The following KIF1B variants were observed in gnomAD, a reference collection of about 807,000 sequenced individuals.
KIF1B encodes the protein kinesin family member 1B.
In KIF1B, 76 loss-of-function variants were observed where a neutral mutation model predicts 241.9. That is an observed-to-expected ratio of 0.31 (90% CI 0.26 to 0.38). KIF1B has a LOEUF of 0.38. KIF1B is among the 10% of genes least tolerant of loss of function. The pLI, the probability that KIF1B is intolerant of heterozygous loss-of-function variation, is 1.00. For synonymous variants in KIF1B, 750 were observed against 796.7 expected (o/e 0.94, Z 0.99); for missense variants, 1,622 against 2,271.4 (o/e 0.71, Z 5.81).
intron 37 of KIF1B, among the ~76,000 whole-genome samples, chr1:10,349,088 A>G (rs1044977296): frequency 1.3e-5 from 2 of 152,198 alleles, no homozygotes; most frequent in Admixed American, 6.5e-5. Flanking sequence ...TTATCCAACT[A>G]ACTAACTCAG....
In KIF1B at chr1:10,337,249, G is replaced by A. The variant is rs768470170; in HGVS notation, c.3259+46G>A. 6 of 1,613,602 alleles carry A rather than the reference G, an allele frequency of 3.7e-6. No individual in the cohort carries two copies. Among genetic ancestry groups the A allele is most frequent in the South Asian group, 3.3e-5 (3 of 91,014 alleles). On this transcript the variant is annotated intron_variant, in intron 30 of 48. Coordinates refer to ENST00000676179, the MANE Select transcript of KIF1B (RefSeq NM_001365951.3). This position sits in a 1 kb window ranked among gnomAD's most constrained non-coding sequence, Gnocchi z 4.0. The stretch of plus-strand genomic sequence containing the variant: ...GTGCTTGGGGACATTTTCGACAAAG[G>A]GAAAATATTGACCATTATCAAGGGA...
At position 10,276,339 on chromosome 1, in the gene KIF1B, C is replaced by T. The variant is rs748754931; in HGVS notation, c.977C>T (p.Ala326Val). The T allele has an allele frequency of 6.2e-7, 1 of 1,613,764 alleles. No homozygotes were observed. The highest frequency in any genetic ancestry group is 1.3e-5 in the African/African-American group (1 of 75,028). ...TTTTTAGGTGGCAATTCTCGGACTG[C>T]AATGGTTGCTGCTCTGAGCCCCGCG... The part of the protein sequence containing the change: ...RENLGGNSRT[A>V]MVAALSPADI... The change falls in exon 12 of 49, where the codon GCA becomes GTA. Residue 326 changes from alanine to valine, a missense_variant. Transcript: ENST00000676179.
chr1:10,373,365 G>A (rs1487098783), intron 45 of KIF1B, among the ~76,000 whole-genome samples: 1 of 150,748 alleles, frequency 6.6e-6, no homozygotes, highest in African/African-American at 2.4e-5. Flanking sequence ...CTCCTGGGTA[G>A]CTGGGATTAC....
At chr1:10,213,841 C>T (rs991826893) in intron 1 of KIF1B, among the ~76,000 whole-genome samples, 3 of 151,970 alleles carry the variant, frequency 2.0e-5, no homozygotes, top group Non-Finnish European at 2.9e-5. Context: ...GAAAAACCTG[C>T]AAAAGGTGCC....
chr1:10,359,662 T>G (rs552568673), intron 38 of KIF1B, among the ~76,000 whole-genome samples: 23 of 152,292 alleles, frequency 1.5e-4, no homozygotes, highest in Non-Finnish European at 2.9e-4. Flanking sequence ...CAAATGGTAT[T>G]TGTCTGGCTC....
intron 38 of KIF1B, among the ~76,000 whole-genome samples, chr1:10,357,870 TTGG>T (rs1316760558): frequency 2.6e-5 from 4 of 151,088 alleles, no homozygotes; most frequent in Non-Finnish European, 5.9e-5. Flanking sequence ...TTAGCCAGAC[TTGG>T]TGGTGGGCGC....
In KIF1B at chr1:10,337,788, T is replaced by G. The variant is rs1420981538; in HGVS notation, c.3422+255T>G. Among the ~76,000 whole-genome samples the G allele has an allele frequency of 1.3e-5, 2 of 152,168 alleles. No homozygotes were observed. Among genetic ancestry groups the G allele is most frequent in the Admixed American group, 1.3e-4 (2 of 15,278 alleles). Reference sequence around the variant, plus strand: ...GGGCTCTGCTGTGAGCGGTCCCCCTTTACCAGGAATGTAGGGTCTGATCAC... The same window carrying G: ...GGGCTCTGCTGTGAGCGGTCCCCCTGTACCAGGAATGTAGGGTCTGATCAC... On this transcript the variant is annotated intron_variant, in intron 31 of 48. Coordinates refer to ENST00000676179, the MANE Select transcript of KIF1B (RefSeq NM_001365951.3). This position sits in a 1 kb window ranked among gnomAD's most constrained non-coding sequence, Gnocchi z 4.0.
At chr1:10,269,397 C>A (rs1452473975) in intron 7 of KIF1B, among the ~76,000 whole-genome samples, 1 of 151,526 alleles carries the variant, frequency 6.6e-6, no homozygotes, top group Non-Finnish European at 1.5e-5. Flanking sequence ...CGCCTGTGGT[C>A]CCAGCTGCTC....
intron 22 of KIF1B, among the ~76,000 whole-genome samples, chr1:10,315,696 G>T (rs1003347477): frequency 1.3e-5 from 2 of 151,226 alleles, no homozygotes; most frequent in Non-Finnish European, 2.9e-5. Context: ...GAATTGTCTA[G>T]GCCACATTCT....
intron 17 of KIF1B, among the ~76,000 whole-genome samples, chr1:10,293,812 A>G (rs1367176866): frequency 1.3e-5 from 2 of 152,116 alleles, no homozygotes; most frequent in Non-Finnish European, 2.9e-5. Flanking sequence ...TCTGCTTCCA[A>G]AGCTTTTTCT....
chr1:10,339,823 C>A lies in KIF1B; in HGVS notation c.3477C>A (p.Gly1159=). Residue 1159 remains glycine (G), a synonymous_variant, in exon 32 of 49, where the codon GGC becomes GGA. Coordinates refer to ENST00000676179, the MANE Select transcript of KIF1B (RefSeq NM_001365951.3). ...CCACGGAGCCCCTCAAAAACAATGG[C>A]AGAGGAAGTCCCCTGGCCTTTTATC... The part of the protein sequence containing the change: ...AFSTEPLKNN[G]RGSPLAFYHV... 1 of 1,614,058 alleles carries A rather than the reference C, an allele frequency of 6.2e-7. No individual in the cohort carries two copies. Among genetic ancestry groups the A allele is most frequent in the Non-Finnish European group, 8.5e-7 (1 of 1,179,972 alleles).
At chr1:10,306,365 G>A (rs1650827071) in intron 22 of KIF1B, 1 of 1,044,400 alleles carries the variant, frequency 9.6e-7, no homozygotes. Flanking sequence ...AATGCATTTT[G>A]TGTAAACCCA....
chr1:10,254,542 T>C (rs1217185934), intron 2 of KIF1B, among the ~76,000 whole-genome samples: 1 of 152,142 alleles, frequency 6.6e-6, no homozygotes, highest in Non-Finnish European at 1.5e-5. Flanking sequence ...GAATGCTTCA[T>C]TACCAAATGC....
In KIF1B at chr1:10,268,237, A is replaced by G. The variant is rs1648579725; in HGVS notation, c.694A>G (p.Asn232Asp). ...TIVFTQKKHDNETNLSTEKVS... is the reference protein window; with the variant it reads ...TIVFTQKKHDDETNLSTEKVS... ...TGTTTTCACCCAGAAGAAACACGAT[A>G]ATGAGACCAACCTTTCCACTGAGAA... The change falls in exon 7 of 49, where the codon AAT becomes GAT. Residue 232 changes from asparagine (N) to aspartate (D), a missense_variant. This residue lies in a region of KIF1B where 201 missense variants were observed against 301.2 expected (regional missense o/e 0.67). Coordinates refer to ENST00000676179, the MANE Select transcript of KIF1B (RefSeq NM_001365951.3). The G allele has an allele frequency of 6.2e-7, 1 of 1,611,920 alleles. No homozygotes were observed.
chr1:10,260,969 T>G (rs1241140687), intron 4 of KIF1B, among the ~76,000 whole-genome samples: 1 of 151,464 alleles, frequency 6.6e-6, no homozygotes, highest in Non-Finnish European at 1.5e-5. Context: ...ATTTTTTAAT[T>G]TTTTTTTTCT....
At chr1:10,223,862 A>G (rs557579309) in intron 1 of KIF1B, among the ~76,000 whole-genome samples, 1 of 152,124 alleles carries the variant, frequency 6.6e-6, no homozygotes, top group South Asian at 2.1e-4. Flanking sequence ...TTACCATGAG[A>G]CAGTAAAATC....
At position 10,313,780 on chromosome 1, in the gene KIF1B, G is replaced by A. The variant is rs1232033667; in HGVS notation, c.2116-6263G>A. On this transcript the variant is annotated intron_variant, in intron 22 of 48. Transcript: ENST00000676179. ...TTAGCCAGGATGGTCTTGATCTCCT[G>A]ACCTCGTGATCTGCCCACCTTGGCC... Among the ~76,000 whole-genome samples the A allele has an allele frequency of 2.0e-5, 3 of 150,804 alleles. 1 individual carries two copies. The highest frequency in any genetic ancestry group is 7.4e-5 in the African/African-American group (3 of 40,452).
At chr1:10,230,330 ACTTTT>A (rs1473206999) in intron 1 of KIF1B, among the ~76,000 whole-genome samples, 1 of 151,970 alleles carries the variant, frequency 6.6e-6, no homozygotes, top group Non-Finnish European at 1.5e-5. Context: ...ATTCGTAATT[ACTTTT>A]CTTTTTTAGA....
At chr1:10,277,915 TAA>T in intron 12 of KIF1B, 69 bp from the exon 13 acceptor site, 1 of 1,326,512 alleles carries the variant, frequency 7.5e-7, no homozygotes, top group African/African-American at 1.5e-5. Context: ...GATTTAGAGA[TAA>T]TAGTATGTTA....
Sources: gnomAD v4.1 joint callset for allele counts (sites outside exome capture counted in the v4.1 genomes callset) on GRCh38, gnomAD v4.1.1 for gene constraint, gnomAD v4.1.1 regional missense constraint, Gnocchi (gnomAD v3.1) non-coding constraint, MANE v1.5 for transcripts, NCBI Gene and HGNC (gene_info 2026-07-23, HGNC 2026-07-21) for gene names.